The following VWC2L variants were observed in gnomAD, a reference collection of about 807,000 sequenced individuals.
The protein encoded by VWC2L is von Willebrand factor C domain-containing protein 2-like.
VWC2L carries 10 observed loss-of-function variants against 21.6 expected under a neutral mutation model. The observed-to-expected ratio is 0.46, with a 90% CI of 0.29 to 0.78. The LOEUF is 0.78. Ranked by LOEUF, VWC2L falls within the 30% of genes least tolerant of loss-of-function variation. The pLI, the probability that VWC2L is intolerant of heterozygous loss-of-function variation, is 0.10. For missense variants in VWC2L, 209 were observed against 277.1 expected, an observed-to-expected ratio of 0.75 and a Z score of 1.74; for synonymous variants, 96 against 94.3, an observed-to-expected ratio of 1.02 and a Z score of -0.10.
intron 3 of VWC2L, among the ~76,000 whole-genome samples, chr2:214,496,148 A>T (rs910275649): frequency 4.8e-5 from 7 of 147,046 alleles, no homozygotes; most frequent in Admixed American, 2.1e-4. Context: ...TGTATAGTAT[A>T]ATACTATAGT....
At chr2:214,518,127 C>A (rs1689174451) in intron 3 of VWC2L, among the ~76,000 whole-genome samples, 1 of 151,392 alleles carries the variant, frequency 6.6e-6, no homozygotes. Context: ...GATCATGCCA[C>A]TGCACTCCAG....
intron 3 of VWC2L, among the ~76,000 whole-genome samples, chr2:214,570,113 T>C (rs1028637750): frequency 2.6e-5 from 4 of 152,060 alleles, no homozygotes; most frequent in Non-Finnish European, 5.9e-5. Context: ...GATTACTAGA[T>C]ACACTGGAAG....
At chr2:214,431,785 C>A (rs577437653) in intron 2 of VWC2L, among the ~76,000 whole-genome samples, 1 of 152,266 alleles carries the variant, frequency 6.6e-6, no homozygotes, top group Non-Finnish European at 1.5e-5. Flanking sequence ...ATGAGACTAG[C>A]TTTTTCTCAG....
chr2:214,477,417 C>T (rs934274984), intron 3 of VWC2L, among the ~76,000 whole-genome samples: 20 of 152,304 alleles, frequency 1.3e-4, no homozygotes, highest in Non-Finnish European at 2.4e-4. Flanking sequence ...ATCTCTGGTA[C>T]GAATCTGTGG....
intron 3 of VWC2L, among the ~76,000 whole-genome samples, chr2:214,489,458 G>A (rs970128980): frequency 7.2e-5 from 11 of 152,178 alleles, no homozygotes; most frequent in African/African-American, 2.4e-4. Context: ...GAACTGAGGC[G>A]TTGAGTGGTG....
At chr2:214,519,191 G>A (rs1267556549) in intron 3 of VWC2L, among the ~76,000 whole-genome samples, 1 of 152,178 alleles carries the variant, frequency 6.6e-6, no homozygotes, top group East Asian at 1.9e-4. Context: ...TGCAAAGCCT[G>A]TTCTTTTTCA....
At chr2:214,550,067 T>A (rs957574963) in intron 3 of VWC2L, among the ~76,000 whole-genome samples, 3 of 152,318 alleles carry the variant, frequency 2.0e-5, no homozygotes, top group East Asian at 1.9e-4. Flanking sequence ...AAGTGGCTAA[T>A]GCAGTGTTTA....
intron 3 of VWC2L, among the ~76,000 whole-genome samples, chr2:214,480,349 A>G (rs1411324931): frequency 6.6e-6 from 1 of 152,216 alleles, no homozygotes; most frequent in African/African-American, 2.4e-5. Flanking sequence ...ACTAAAAGCA[A>G]AGATGATTAA....
chr2:214,447,703 T>A (rs536817130), intron 3 of VWC2L, among the ~76,000 whole-genome samples: 1 of 152,268 alleles, frequency 6.6e-6, no homozygotes, highest in East Asian at 1.9e-4. Flanking sequence ...TCTAGAAGGT[T>A]ATCCCTCTAT....
intron 3 of VWC2L, among the ~76,000 whole-genome samples, chr2:214,447,752 T>C (rs1422196177): frequency 6.6e-6 from 1 of 152,152 alleles, no homozygotes; most frequent in Non-Finnish European, 1.5e-5. Flanking sequence ...CAAGAGACTC[T>C]AATGTTCAGA....
At chr2:214,496,590 A>G (rs1223306672) in intron 3 of VWC2L, among the ~76,000 whole-genome samples, 2 of 152,214 alleles carry the variant, frequency 1.3e-5, no homozygotes, top group African/African-American at 2.4e-5. Flanking sequence ...TTATTTGAAC[A>G]GTACAGAGCA....
chr2:214,549,527 C>G (rs1024004073), intron 3 of VWC2L, among the ~76,000 whole-genome samples: 5 of 152,228 alleles, frequency 3.3e-5, no homozygotes, highest in African/African-American at 1.2e-4. Context: ...GTAATCCCAG[C>G]ACTTTGGGAC....
intron 2 of VWC2L, among the ~76,000 whole-genome samples, chr2:214,426,696 C>T (rs1553581935): frequency 2.0e-5 from 3 of 152,216 alleles, no homozygotes; most frequent in Non-Finnish European, 4.4e-5. Context: ...TCTTCTAACT[C>T]TAACTCTAGG....
chr2:214,450,307 A>G (rs1004556775), intron 3 of VWC2L, among the ~76,000 whole-genome samples: 1 of 152,176 alleles, frequency 6.6e-6, no homozygotes, highest in Non-Finnish European at 1.5e-5. Flanking sequence ...GAGTGAAGTA[A>G]TCAGCCCCCT....
intron 3 of VWC2L, among the ~76,000 whole-genome samples, chr2:214,566,837 GA>G (rs1690069390): frequency 6.6e-6 from 1 of 152,114 alleles, no homozygotes; most frequent in African/African-American, 2.4e-5. Context: ...TTTAATAGAT[GA>G]AAATGGCTAC....
At chr2:214,550,915 G>T (rs1689783672) in intron 3 of VWC2L, among the ~76,000 whole-genome samples, 1 of 152,032 alleles carries the variant, frequency 6.6e-6, no homozygotes. Flanking sequence ...GCTACAAAAG[G>T]CCTTTTGTAA....
At chr2:214,466,974 A>G (rs1015098645) in intron 3 of VWC2L, among the ~76,000 whole-genome samples, 1 of 152,226 alleles carries the variant, frequency 6.6e-6, no homozygotes, top group African/African-American at 2.4e-5. Context: ...AATGTCAGAC[A>G]TTATGAATTT....
intron 3 of VWC2L, among the ~76,000 whole-genome samples, chr2:214,494,875 G>C (rs1340170061): frequency 1.3e-5 from 2 of 151,606 alleles, no homozygotes; most frequent in Non-Finnish European, 2.9e-5. Flanking sequence ...AAACTTTCTG[G>C]AAAAGTGACA....
At chr2:214,426,655 G>A (rs1335517768) in intron 2 of VWC2L, among the ~76,000 whole-genome samples, 3 of 152,184 alleles carry the variant, frequency 2.0e-5, no homozygotes, top group Admixed American at 2.0e-4. Context: ...CATATAAATG[G>A]AGATTATCAA....
Sources: allele counts gnomAD v4.1 joint callset (sites outside exome capture counted in the v4.1 genomes callset), GRCh38; gene constraint gnomAD v4.1.1; transcripts MANE v1.5; gene names NCBI Gene and HGNC (gene_info 2026-07-23, HGNC 2026-07-21).